Variants in PLXNA2 observed in about 807,000 individuals in gnomAD.
PLXNA2 encodes plexin A2.
A neutral mutation model predicts 193.5 loss-of-function variants in PLXNA2; 91 were observed. The observed-to-expected ratio is 0.47, with a 90% confidence interval of 0.40 to 0.56. PLXNA2 has a LOEUF of 0.56. PLXNA2 is among the 20% of genes least tolerant of loss of function. PLXNA2 has a pLI of 0.00. For missense variants in PLXNA2, 1,995 were observed against 2,503.2 expected (o/e 0.80, Z 4.33); for synonymous variants, 997 against 1,027.3 (o/e 0.97, Z 0.56).
At chr1:208,122,753 C>G (rs183676115) in intron 4 of PLXNA2, among the ~76,000 whole-genome samples, 1 of 152,214 alleles carries the variant, frequency 6.6e-6, no homozygotes, top group East Asian at 1.9e-4. Flanking sequence ...GGAAGAGGAA[C>G]AGAGAATAAG....
chr1:208,038,754 T>G lies in PLXNA2; in HGVS notation c.4660+71A>C. On this transcript the variant is annotated intron_variant, in intron 25 of 31. Coordinates refer to ENST00000367033, the MANE Select transcript of PLXNA2 (RefSeq NM_025179.4). This position sits in a 1 kb window ranked among gnomAD's most constrained non-coding sequence, Gnocchi z 4.1. ...GACACAGTCATGCCCCTGCAAGGGTTGTGTGCATGGCAGCTTCCCTTCCTT... is the reference window on the plus strand; with the variant it reads ...GACACAGTCATGCCCCTGCAAGGGTGGTGTGCATGGCAGCTTCCCTTCCTT... 6.8e-7 allele frequency: 1 copy of G among 1,479,820 alleles called. No homozygotes were observed. Among genetic ancestry groups the G allele is most frequent in the African/African-American group, 1.4e-5 (1 of 72,584 alleles). 91.7% of individuals were successfully genotyped at this position (1,479,820 alleles called of 1,614,324 possible).
chr1:208,229,796 T>C (rs1671628929), intron 1 of PLXNA2, among the ~76,000 whole-genome samples: 1 of 152,132 alleles, frequency 6.6e-6, no homozygotes, highest in Non-Finnish European at 1.5e-5. Context: ...CACATAATAA[T>C]AAAAAATGAC....
At chr1:208,183,043 G>A (rs1669893513) in intron 3 of PLXNA2, among the ~76,000 whole-genome samples, 1 of 152,214 alleles carries the variant, frequency 6.6e-6, no homozygotes, top group African/African-American at 2.4e-5. Context: ...AGAGAGGCAG[G>A]TTGAATGTAT....
intron 1 of PLXNA2, among the ~76,000 whole-genome samples, chr1:208,226,121 T>C (rs1360873829): frequency 2.0e-5 from 3 of 152,166 alleles, no homozygotes; most frequent in Non-Finnish European, 4.4e-5. Context: ...CCCAGAGAAC[T>C]CACTTGCTCT....
intron 3 of PLXNA2, among the ~76,000 whole-genome samples, chr1:208,156,936 C>T (rs116337439): frequency 2.4e-4 from 36 of 152,298 alleles, no homozygotes; most frequent in African/African-American, 8.2e-4. Flanking sequence ...ATTTGTTACT[C>T]CATAAGAATA....
chr1:208,042,219 G>A lies in PLXNA2; in HGVS notation c.4165C>T (p.Leu1389Phe). Residue 1389 changes from leucine (L) to phenylalanine (F), a missense_variant, in exon 22 of 32, where the codon CTC becomes TTC. Physicochemically the swap from Leu to Phe is conservative, Grantham distance 22 (BLOSUM62 0). Coordinates refer to ENST00000367033, the MANE Select transcript of PLXNA2 (RefSeq NM_025179.4). ...CGGCCCTGCAGGCCGGTCATGATGAGCGAAGCCACGTTGCCCCGGTCGCGC... is the reference window on the plus strand; with the variant it reads ...CGGCCCTGCAGGCCGGTCATGATGAACGAAGCCACGTTGCCCCGGTCGCGC... ...SMRDRGNVAS[L>F]IMTGLQGRLE... is the part of the protein sequence containing the mutation. The A allele has an allele frequency of 6.2e-7, 1 of 1,614,232 alleles. No homozygotes were observed. Among genetic ancestry groups the A allele is most frequent in the Non-Finnish European group, 8.5e-7 (1 of 1,180,044 alleles).
rs764412969 is a variant in PLXNA2, at chr1:208,142,422, C to G, written c.1413G>C (p.Glu471Asp). The G allele has an allele frequency of 1.2e-6, 2 of 1,613,640 alleles. No individual in the cohort carries two copies. Among genetic ancestry groups the G allele is most frequent in the Admixed American group, 3.3e-5 (2 of 59,896 alleles). ...TTCCGTCCTTGAGCACAGAGACCAT[C>G]TCGTACTGGACCCCACCATGGGGGG... ...DGPPHGGVQY[E>D]MVSVLKDGSP... The change falls in exon 4 of 32, where the codon GAG (glutamate) becomes GAC (aspartate). Residue 471 changes from glutamate to aspartate, a missense_variant. Coordinates refer to ENST00000367033, the MANE Select transcript of PLXNA2 (RefSeq NM_025179.4).
At chr1:208,070,264 C>T (rs537343187) in intron 12 of PLXNA2, among the ~76,000 whole-genome samples, 1 of 152,294 alleles carries the variant, frequency 6.6e-6, no homozygotes, top group African/African-American at 2.4e-5. Context: ...AAGGCCATGC[C>T]TTGCTGCTTT....
At position 208,082,865 on chromosome 1, in the gene PLXNA2, T is replaced by C. The variant is rs1039526924; in HGVS notation, c.2299-357A>G. On this transcript the variant is annotated intron_variant, in intron 10 of 31. Transcript: ENST00000367033. This position sits in a 1 kb window ranked among gnomAD's most constrained non-coding sequence, Gnocchi z 4.2. ...CCATCCTTTTAACCCACCCGTATTCTTCTAGCCCAGCTCAGCTCTACTTTC... is the reference window on the plus strand; with the variant it reads ...CCATCCTTTTAACCCACCCGTATTCCTCTAGCCCAGCTCAGCTCTACTTTC... Among the ~76,000 whole-genome samples the C allele has an allele frequency of 6.6e-5, 10 of 152,312 alleles. No homozygotes were observed. The highest frequency in any genetic ancestry group is 2.4e-4 in the African/African-American group (10 of 41,568).
In PLXNA2 at chr1:208,243,951, G is replaced by A. The variant is rs925039138; in HGVS notation, c.-389C>T. 1 of 152,438 alleles carries A rather than the reference G, an allele frequency of 6.6e-6. No individual in the cohort carries two copies. Among genetic ancestry groups the A allele is most frequent in the African/African-American group, 2.4e-5 (1 of 41,456 alleles). The allele number at this position is 152,438 out of a possible 1,614,324, so 9.4% of individuals were successfully genotyped here. The stretch of plus-strand genomic sequence containing the variant: ...CGGAGGCGCCGAGGGGGCGTGTGGG[G>A]GCGGCCGGCGGTGTCTCTCCTGAGG... On this transcript the variant is annotated 5_prime_UTR_variant, in exon 1 of 32. Coordinates refer to ENST00000367033, the MANE Select transcript of PLXNA2 (RefSeq NM_025179.4).
At chr1:208,172,345 A>G (rs953454843) in intron 3 of PLXNA2, among the ~76,000 whole-genome samples, 2 of 151,964 alleles carry the variant, frequency 1.3e-5, no homozygotes, top group South Asian at 4.2e-4. Context: ...TTTGCTTTGT[A>G]AAAAGTGTGT....
rs534077439 is a variant in PLXNA2 at position 208,218,991 on chromosome 1, G to T, written c.-80-989C>A. Reference sequence around the variant, plus strand: ...TGGGAGAATGTGGGGAGCAGCAAAGGGTGGTGAGGTGAGATTCAGTCTCAT... The same window carrying T: ...TGGGAGAATGTGGGGAGCAGCAAAGTGTGGTGAGGTGAGATTCAGTCTCAT... On this transcript the variant is annotated intron_variant, in intron 1 of 31. Transcript: ENST00000367033. 9.8e-4 allele frequency among the ~76,000 whole-genome samples: 150 copies of T among 152,320 alleles called. No homozygotes were observed. The Middle Eastern group carries it at 0.01, about 10-fold the overall frequency.
At chr1:208,174,298 G>A (rs1033176866) in intron 3 of PLXNA2, among the ~76,000 whole-genome samples, 3 of 151,990 alleles carry the variant, frequency 2.0e-5, no homozygotes, top group Admixed American at 2.0e-4. Flanking sequence ...TTGGGGGCTG[G>A]AGAGAGAAGG....
At chr1:208,183,423 G>T (rs2102550895) in intron 3 of PLXNA2, among the ~76,000 whole-genome samples, 1 of 152,318 alleles carries the variant, frequency 6.6e-6, no homozygotes, top group Admixed American at 6.5e-5. Context: ...CGGAAAGGAG[G>T]TCTGCAGGCC....
chr1:208,096,235 A>T, intron 7 of PLXNA2, 110 bp from the exon 8 acceptor site: 1 of 810,446 alleles, frequency 1.2e-6, no homozygotes, highest in Non-Finnish European at 2.1e-6. Context: ...CTCTCTTAGG[A>T]TGTAGATACT....
intron 1 of PLXNA2, among the ~76,000 whole-genome samples, chr1:208,239,413 C>G (rs1228697189): frequency 2.6e-5 from 4 of 152,240 alleles, no homozygotes; most frequent in African/African-American, 9.6e-5. Flanking sequence ...CTTCCTCCCT[C>G]TCTCCATTTA....
intron 3 of PLXNA2, among the ~76,000 whole-genome samples, chr1:208,186,790 GCT>G (rs1231581633): frequency 6.7e-6 from 1 of 150,264 alleles, no homozygotes; most frequent in Non-Finnish European, 1.5e-5. Context: ...CGCAATCTCG[GCT>G]CACTGCAAGC....
At chr1:208,043,258 G>A (rs891132515) in intron 20 of PLXNA2, 55 bp from the exon 21 acceptor site, 2 of 1,575,048 alleles carry the variant, frequency 1.3e-6, no homozygotes, top group South Asian at 2.3e-5. Context: ...CGGGGGAGGA[G>A]AAAGAGGGAG....
chr1:208,172,001 G>T (rs1337455307), intron 3 of PLXNA2, among the ~76,000 whole-genome samples: 1 of 139,370 alleles, frequency 7.2e-6, no homozygotes, highest in Non-Finnish European at 1.6e-5. Flanking sequence ...TTACATTGGT[G>T]CAGAAGTAAT....
Sources: gnomAD v4.1 joint callset for allele counts (sites outside exome capture counted in the v4.1 genomes callset) on GRCh38, gnomAD v4.1.1 for gene constraint, Gnocchi (gnomAD v3.1) non-coding constraint, MANE v1.5 for transcripts, NCBI Gene and HGNC (gene_info 2026-07-23, HGNC 2026-07-21) for gene names.